Variants in DGKZ observed in about 807,000 individuals in gnomAD.
DGKZ encodes the protein DAG kinase zeta.
DGKZ carries 45 observed loss-of-function variants against 142.5 expected under a neutral mutation model. That is an observed-to-expected ratio of 0.32 (90% CI 0.25 to 0.40). The LOEUF is 0.40. Among genes scored for constraint, DGKZ ranks in the 10% least tolerant of loss-of-function variants. The pLI is 1.00. For synonymous variants in DGKZ, 442 were observed against 527.0 expected, an observed-to-expected ratio of 0.84 and a Z score of 2.21; for missense variants, 755 against 1,306.5, an observed-to-expected ratio of 0.58 and a Z score of 6.51.
At chr11:46,337,588 G>A (rs111512250) in intron 1 of DGKZ, among the ~76,000 whole-genome samples, 8 of 152,116 alleles carry the variant, frequency 5.3e-5, no homozygotes, top group African/African-American at 1.4e-4. Flanking sequence ...AAGCCACCGC[G>A]CCCAGCCTTA....
rs774110763 is a variant in DGKZ, at chr11:46,367,839, C to G, written c.366+92C>G. 2.6e-6 allele frequency: 4 copies of G among 1,559,758 alleles called. No homozygotes were observed. The South Asian group carries it at 4.5e-5, about 17-fold the overall frequency. ...GTGGGATTGAGCCCGCTCCCTGGCA[C>G]CCCTGCTGTGGGCCGCCCCAGGATG... On this transcript the variant is annotated intron_variant, in intron 3 of 30. Transcript: ENST00000527911. This position sits in a 1 kb window ranked among gnomAD's most constrained non-coding sequence, Gnocchi z 4.1.
chr11:46,362,620 T>C (rs533917208), intron 1 of DGKZ, among the ~76,000 whole-genome samples: 3 of 152,288 alleles, frequency 2.0e-5, no homozygotes, highest in Admixed American at 1.3e-4. Context: ...GTGAGCTCCA[T>C]TTTGCAGATG....
Position 46,372,352 on chromosome 11 carries a change from C to T in DGKZ, c.928-76C>T. 1 of 1,523,028 alleles carries T rather than the reference C, an allele frequency of 6.6e-7. No individual in the cohort carries two copies. The highest frequency in any genetic ancestry group is 9.1e-7 in the Non-Finnish European group (1 of 1,100,738). 94.3% of individuals were successfully genotyped at this position (1,523,028 alleles called of 1,614,324 possible). On this transcript the variant is annotated intron_variant, in intron 10 of 30. Coordinates refer to ENST00000527911, the Ensembl canonical transcript of DGKZ. This position sits in a 1 kb window ranked among gnomAD's most constrained non-coding sequence, Gnocchi z 5.9. The stretch of plus-strand genomic sequence containing the variant: ...CCTTATTGGCCCTGGTTCCCACAGT[C>T]ACACCCCTCTCCCTCTGCTGCTCCC...
intron 1 of DGKZ, among the ~76,000 whole-genome samples, chr11:46,334,822 C>T (rs1939935180): frequency 1.3e-5 from 2 of 152,258 alleles, no homozygotes; most frequent in South Asian, 4.1e-4. Context: ...CAGAGGGACT[C>T]ACAGGGGATG....
rs760611803 is a variant in DGKZ, at chr11:46,378,488, C to T, written c.2406C>T (p.Asn802=). The T allele has an allele frequency of 9.3e-6, 15 of 1,608,632 alleles. No individual in the cohort carries two copies. The highest frequency in any genetic ancestry group is 2.2e-5 in the East Asian group (1 of 44,746). The change falls in exon 27 of 31, where the codon AAC becomes AAT. Residue 802 remains asparagine, a synonymous_variant. Transcript: ENST00000527911. Reference sequence around the variant, plus strand: ...AGCTGATTGAGGCTGCCAAGAGGAACGACTTCTGTAAGGTACTAGCTCCAG... The same window carrying T: ...AGCTGATTGAGGCTGCCAAGAGGAATGACTTCTGTAAGGTACTAGCTCCAG...
intron 25 of DGKZ, chr11:46,377,513 C>T (rs1001195288): frequency 6.8e-6 from 3 of 439,404 alleles, no homozygotes; most frequent in South Asian, 8.9e-5. Flanking sequence ...CAGCCCTTCC[C>T]GGCTGCCACG....
At chr11:46,374,862 T>TG (rs753663215) in intron 18 of DGKZ, 23 bp downstream of exon 18, 21 of 1,584,046 alleles carry the variant, frequency 1.3e-5, no homozygotes, top group Non-Finnish European at 1.6e-5. Flanking sequence ...CTACCGGAGC[T>TG]GGGGGGAGCC....
At chr11:46,366,836 G>A in intron 1 of DGKZ, 2 of 1,546,130 alleles carry the variant, frequency 1.3e-6, no homozygotes, top group South Asian at 2.4e-5. Flanking sequence ...GCGGCCCTCA[G>A]GCCAGCACCC....
chr11:46,338,563 G>A (rs1403925718), intron 1 of DGKZ: 1 of 150,002 alleles, frequency 6.7e-6, no homozygotes, highest in Middle Eastern at 3.2e-3. Flanking sequence ...CAAGCAGCAG[G>A]CTGGATGTGG....
chr11:46,374,890 C>T, intron 18 of DGKZ, 44 bp from the exon 19 acceptor site: 4 of 1,582,918 alleles, frequency 2.5e-6, no homozygotes, highest in Non-Finnish European at 3.4e-6. Flanking sequence ...CCTTGTCCTG[C>T]AGAGACTGTG....
At chr11:46,365,755 TTGG>T (rs1259474985) in intron 1 of DGKZ, 16 of 985,302 alleles carry the variant, frequency 1.6e-5, no homozygotes, top group Non-Finnish European at 1.9e-5. Context: ...CCCCACCATG[TTGG>T]TGGCAAAACA....
intron 1 of DGKZ, among the ~76,000 whole-genome samples, chr11:46,348,346 A>G (rs1423723492): frequency 6.6e-6 from 1 of 152,190 alleles, no homozygotes; most frequent in Non-Finnish European, 1.5e-5. Context: ...GTCACCACAC[A>G]TGGCTTGTCC....
At chr11:46,375,924 T>C in exon 21 of DGKZ, 1 of 1,603,816 alleles carries the variant, frequency 6.2e-7, no homozygotes, top group Non-Finnish European at 8.5e-7. Flanking sequence ...GGCCCTGCAC[T>C]ACGACAAGGA....
At chr11:46,342,868 A>G (rs1391157572), upstream of DGKZ, among the ~76,000 whole-genome samples, 1 of 152,186 alleles carries the variant, frequency 6.6e-6, no homozygotes, top group Non-Finnish European at 1.5e-5. Flanking sequence ...TCATGCCTGT[A>G]ATCCCAGGAC....
chr11:46,356,081 G>A (rs774441121), intron 1 of DGKZ, among the ~76,000 whole-genome samples: 2 of 152,194 alleles, frequency 1.3e-5, no homozygotes, highest in African/African-American at 2.4e-5. Flanking sequence ...AGGGGGAAAT[G>A]CTTCTCCCAG....
At chr11:46,361,328 C>T (rs1942620946) in intron 1 of DGKZ, among the ~76,000 whole-genome samples, 1 of 152,166 alleles carries the variant, frequency 6.6e-6, no homozygotes, top group African/African-American at 2.4e-5. Context: ...CAAGCTGAGG[C>T]ATGGGCTGGG....
upstream of DGKZ, among the ~76,000 whole-genome samples, chr11:46,346,243 C>T (rs986704444): frequency 2.0e-5 from 3 of 152,176 alleles, no homozygotes; most frequent in Non-Finnish European, 4.4e-5. Flanking sequence ...TGCCAGAACC[C>T]AAGAGGGGAG....
At chr11:46,337,952 G>A (rs1300673658) in intron 1 of DGKZ, among the ~76,000 whole-genome samples, 1 of 152,074 alleles carries the variant, frequency 6.6e-6, no homozygotes, top group Non-Finnish European at 1.5e-5. Context: ...TACCTGAGAT[G>A]GAAATATGGG....
intron 6 of DGKZ, 29 bp from the exon 7 acceptor site, chr11:46,371,284 T>C (rs755315711): frequency 6.2e-7 from 1 of 1,609,990 alleles, no homozygotes; most frequent in Admixed American, 1.7e-5. Context: ...ACGCCTGCCC[T>C]GGTTCCCATC....
Sources: gnomAD v4.1 joint callset for allele counts (sites outside exome capture counted in the v4.1 genomes callset) on GRCh38, gnomAD v4.1.1 for gene constraint, Gnocchi (gnomAD v3.1) non-coding constraint, MANE v1.5 for transcripts, NCBI Gene and HGNC (gene_info 2026-07-23, HGNC 2026-07-21) for gene names.